SLC19A1: variants seen among roughly 807,000 people sequenced by gnomAD.
SLC19A1 encodes the protein solute carrier family 19 member 1.
Under a neutral mutation model 35.3 loss-of-function variants are expected in SLC19A1, and 37 were observed. The ratio of observed to expected loss-of-function variants is 1.05; its 90% CI spans 0.81 to 1.38. The LOEUF (loss-of-function observed/expected upper bound fraction) is 1.38. Among genes scored for constraint, SLC19A1 ranks in the 40% most tolerant of loss-of-function variants. The probability of loss-of-function intolerance (pLI) is 0.00; values close to 1 mark genes in which losing one functional copy is unlikely to be tolerated. For missense variants in SLC19A1, 831 were observed against 826.9 expected, an observed-to-expected ratio of 1.00 and a Z score of -0.06; for synonymous variants, 460 against 398.5, an observed-to-expected ratio of 1.15 and a Z score of -1.84.
downstream of SLC19A1, chr21:45,510,209 A>T (rs765484663): frequency 6.2e-7 from 1 of 1,605,024 alleles, no homozygotes; most frequent in Admixed American, 1.7e-5. Context: ...CAGGACCTGT[A>T]CAGCATCGTG....
Position 45,524,953 on chromosome 21 carries a change from C to T in SLC19A1, c.1293+864G>A, listed in dbSNP as rs1417859867. Among the ~76,000 whole-genome samples, 7 of 152,366 alleles carry T rather than the reference C, an allele frequency of 4.6e-5. No homozygotes were observed. In the East Asian group the frequency reaches 7.7e-4, roughly 17 times the overall value. On this transcript the variant is annotated intron_variant, in intron 5 of 5. Coordinates refer to ENST00000311124, the MANE Select transcript of SLC19A1 (RefSeq NM_194255.4). ...CAGAGGGCTCTGTGGCACAGGGCCACGTGGCCTGCCAGCGTGGACAGGCCC... is the reference window on the plus strand; with the variant it reads ...CAGAGGGCTCTGTGGCACAGGGCCATGTGGCCTGCCAGCGTGGACAGGCCC...
intron 1 of SLC19A1, among the ~76,000 whole-genome samples, chr21:45,558,936 G>A (rs879394482): frequency 5.9e-5 from 9 of 151,768 alleles, no homozygotes; most frequent in Non-Finnish European, 1.3e-4. Context: ...AGCCTCCCAA[G>A]TAGCTGGGAT....
At chr21:45,509,974 A>T, downstream of SLC19A1, 1 of 1,438,038 alleles carries the variant, frequency 7.0e-7, no homozygotes, top group Non-Finnish European at 9.4e-7. Context: ...GTGCCTGTCC[A>T]CACAGGTGCG....
At chr21:45,503,940 G>A in intron 3 of SLC19A1, 2 of 1,568,314 alleles carry the variant, frequency 1.3e-6, no homozygotes, top group East Asian at 2.2e-5. Flanking sequence ...CACCAGTGCT[G>A]GGGGCTGCAG....
chr21:45,508,590 C>T (rs567600930), downstream of SLC19A1, among the ~76,000 whole-genome samples: 1 of 152,014 alleles, frequency 6.6e-6, no homozygotes, highest in Admixed American at 6.5e-5. Context: ...TGCTGTCGGC[C>T]CCTCCTTGAG....
Position 45,530,682 on chromosome 21 carries a change from G to C in SLC19A1, c.1151+88C>G. The C allele has an allele frequency of 1.5e-6, 2 of 1,356,142 alleles. No individual in the cohort carries two copies. Among genetic ancestry groups the C allele is most frequent in the South Asian group, 2.6e-5 (2 of 75,866 alleles). The allele number at this position is 1,356,142 out of a possible 1,614,324, so 84.0% of individuals were successfully genotyped here. A position where few individuals can be genotyped will look rare whatever the true frequency, so the allele number is the denominator to read the frequency against. On this transcript the variant is annotated intron_variant, in intron 4 of 5. Coordinates refer to ENST00000311124, the MANE Select transcript of SLC19A1 (RefSeq NM_194255.4). This position sits in a 1 kb window ranked among gnomAD's most constrained non-coding sequence, Gnocchi z 5.3. ...CCAGCAGTGGCACAGCCGCTGGGGC[G>C]CAGCAGGAAGGTGGGAGCACCCAGC... is the stretch of plus-strand genomic sequence containing the variant.
intron 1 of SLC19A1, among the ~76,000 whole-genome samples, 196 bp downstream of exon 1, chr21:45,542,172 G>A (rs954360450): frequency 2.9e-5 from 4 of 138,546 alleles, no homozygotes; most frequent in Admixed American, 2.8e-4. Context: ...GGGCCCCGCG[G>A]ACCCCAGGCT....
intron 1 of SLC19A1, among the ~76,000 whole-genome samples, chr21:45,562,528 C>G (rs1403007225): frequency 6.6e-6 from 1 of 152,214 alleles, no homozygotes; most frequent in Non-Finnish European, 1.5e-5. Context: ...CAGCGTGGTG[C>G]AGTGCTCCCT....
At chr21:45,535,943 T>C in intron 2 of SLC19A1, 1 of 158,558 alleles carries the variant, frequency 6.3e-6, no homozygotes, top group Non-Finnish European at 1.4e-5. Flanking sequence ...TGGCGAGTCC[T>C]GGCAGGCTGG....
At chr21:45,510,385 T>A (rs1191451854), downstream of SLC19A1, 5 of 1,108,588 alleles carry the variant, frequency 4.5e-6, no homozygotes, top group East Asian at 2.6e-5. Context: ...CACTGGCGCC[T>A]AGGCTGGCGA....
At chr21:45,522,589 A>G (rs1439077332) in intron 5 of SLC19A1, among the ~76,000 whole-genome samples, 1 of 152,238 alleles carries the variant, frequency 6.6e-6, no homozygotes, top group Non-Finnish European at 1.5e-5. Context: ...ACTGGAAACA[A>G]GTCTTTCAAC....
intron 3 of SLC19A1, chr21:45,505,147 A>C: frequency 2.5e-6 from 4 of 1,609,364 alleles, no homozygotes; most frequent in Non-Finnish European, 3.4e-6. Flanking sequence ...CCCAAGGGAG[A>C]GAGCATCCGG....
At chr21:45,528,756 G>A (rs1243014466) in intron 4 of SLC19A1, among the ~76,000 whole-genome samples, 3 of 152,204 alleles carry the variant, frequency 2.0e-5, no homozygotes, top group Non-Finnish European at 2.9e-5. Context: ...CCCATAGACT[G>A]GGGATGGGTT....
downstream of SLC19A1, chr21:45,512,509 T>C: frequency 2.1e-6 from 2 of 950,550 alleles, no homozygotes; most frequent in Admixed American, 4.2e-5. Context: ...CTGCCATACT[T>C]TCCTGTATAG....
downstream of SLC19A1, among the ~76,000 whole-genome samples, chr21:45,509,807 CT>C (rs200581585): frequency 0.014 from 2,086 of 152,326 alleles, 54 homozygotes; most frequent in African/African-American, 0.047. Flanking sequence ...AGTCCAGCCG[CT>C]GTCACATCCT....
At chr21:45,536,118 G>C (rs561188721) in intron 2 of SLC19A1, 70 of 190,470 alleles carry the variant, frequency 3.7e-4, no homozygotes, top group Non-Finnish European at 6.5e-4. Context: ...GGCTGAGATC[G>C]GGGGCCCCAC....
intron 1 of SLC19A1, among the ~76,000 whole-genome samples, chr21:45,560,004 C>T (rs939849081): frequency 2.0e-5 from 3 of 152,184 alleles, no homozygotes; most frequent in South Asian, 2.1e-4. Context: ...GCCAAAACGT[C>T]GGAAATGCAG....
upstream of SLC19A1, among the ~76,000 whole-genome samples, chr21:45,543,324 G>C (rs1007415062): frequency 5.3e-5 from 8 of 152,228 alleles, no homozygotes; most frequent in African/African-American, 1.9e-4. Flanking sequence ...CTGGCTATGG[G>C]GAGGGAAGCC....
In SLC19A1 at chr21:45,505,180, C is replaced by T. The variant is rs753905674; in HGVS notation, c.498-6568G>A. On this transcript the variant is annotated intron_variant, in intron 3 of 4. Transcript: ENST00000417954. The stretch of plus-strand genomic sequence containing the variant: ...CGGGGCCAGCCCGGCCCACCTGGAC[C>T]TCAGGGACCCCCCGGCATCGGCTAC... 2 of 1,606,594 alleles carry T rather than the reference C, an allele frequency of 1.2e-6. No homozygotes were observed. The highest frequency in any genetic ancestry group is 1.1e-5 in the South Asian group (1 of 90,252).
Sources: allele counts gnomAD v4.1 joint callset (sites outside exome capture counted in the v4.1 genomes callset), GRCh38; gene constraint gnomAD v4.1.1; non-coding constraint Gnocchi (gnomAD v3.1); transcripts MANE v1.5; gene names NCBI Gene and HGNC (gene_info 2026-07-23, HGNC 2026-07-21).